SPAG16: variants seen among roughly 807,000 people sequenced by gnomAD.
The protein encoded by SPAG16 is sperm-associated antigen 16 protein.
A neutral mutation model predicts 80.4 loss-of-function variants in SPAG16; 86 were observed. The ratio of observed to expected loss-of-function variants is 1.07; its 90% CI spans 0.90 to 1.28. The LOEUF (loss-of-function observed/expected upper bound fraction) is 1.28, where lower values mean the gene tolerates loss of function less well. Ranked by LOEUF, SPAG16 falls within the 50% of genes most tolerant of loss-of-function variation. The pLI is 0.00. For missense variants in SPAG16, 870 were observed against 765.3 expected (o/e 1.14, Z -1.61); for synonymous variants, 294 against 265.9 (o/e 1.11, Z -1.03).
chr2:214,334,842 G>A (rs908365388), intron 15 of SPAG16, among the ~76,000 whole-genome samples: 3 of 152,150 alleles, frequency 2.0e-5, no homozygotes, highest in African/African-American at 7.2e-5. Context: ...CAGCCTACCA[G>A]CATTAATGGG....
intron 7 of SPAG16, among the ~76,000 whole-genome samples, chr2:213,356,066 G>A (rs1393449725): frequency 6.6e-6 from 1 of 152,156 alleles, no homozygotes; most frequent in African/African-American, 2.4e-5. Context: ...TTTATTGAGA[G>A]ATTTTAGCAT....
At chr2:214,167,598 T>C (rs767985082) in intron 15 of SPAG16, among the ~76,000 whole-genome samples, 10 of 152,304 alleles carry the variant, frequency 6.6e-5, no homozygotes, top group Non-Finnish European at 1.3e-4. Context: ...CCCTTCTATA[T>C]GCCCACAGGA....
chr2:213,757,821 C>A (rs556812317), intron 10 of SPAG16, among the ~76,000 whole-genome samples: 1 of 152,142 alleles, frequency 6.6e-6, no homozygotes, highest in East Asian at 1.9e-4. Context: ...AATCTTTGCT[C>A]TGATTGCTGA....
intron 13 of SPAG16, among the ~76,000 whole-genome samples, chr2:214,055,697 G>A (rs1161341636): frequency 1.3e-5 from 2 of 152,122 alleles, no homozygotes; most frequent in Non-Finnish European, 2.9e-5. Context: ...AGTGCCAACA[G>A]TAGCTGCCAG....
intron 13 of SPAG16, among the ~76,000 whole-genome samples, chr2:214,082,983 AC>A (rs1167797330): frequency 6.6e-6 from 1 of 152,070 alleles, no homozygotes; most frequent in Non-Finnish European, 1.5e-5. Flanking sequence ...TCTTCTCCTC[AC>A]CTTTCTCACT....
chr2:214,393,849 A>G (rs1230743120), intron 15 of SPAG16, among the ~76,000 whole-genome samples: 1 of 152,194 alleles, frequency 6.6e-6, no homozygotes, highest in Admixed American at 6.5e-5. Context: ...ATATTGTGCT[A>G]TTTTGAAGAG....
intron 9 of SPAG16, among the ~76,000 whole-genome samples, chr2:213,432,710 C>A (rs755820019): frequency 1.3e-5 from 2 of 152,056 alleles, no homozygotes; most frequent in Non-Finnish European, 2.9e-5. Context: ...GAAACTCTTT[C>A]AAAAAATTGA....
chr2:214,082,248 A>G (rs1290837579), intron 13 of SPAG16, among the ~76,000 whole-genome samples: 1 of 152,078 alleles, frequency 6.6e-6, no homozygotes, highest in East Asian at 1.9e-4. Flanking sequence ...TCTTAACAAT[A>G]TAACAATCTC....
chr2:214,374,868 C>T (rs1451809390), intron 15 of SPAG16, among the ~76,000 whole-genome samples: 1 of 152,162 alleles, frequency 6.6e-6, no homozygotes, highest in Non-Finnish European at 1.5e-5. Context: ...GGCACTGTGT[C>T]TTTTATTTAT....
At chr2:214,014,126 C>T (rs1181937178) in intron 13 of SPAG16, 49 bp downstream of exon 13, 27 of 1,600,878 alleles carry the variant, frequency 1.7e-5, no homozygotes, top group Non-Finnish European at 2.1e-5. Flanking sequence ...AGTCTGATTA[C>T]TCTCGGTCAT....
At chr2:214,146,726 C>T (rs185194013) in intron 14 of SPAG16, among the ~76,000 whole-genome samples, 215 of 152,174 alleles carry the variant, frequency 1.4e-3, no homozygotes, top group African/African-American at 4.8e-3. Flanking sequence ...TTTGGCTGGG[C>T]GCAGTGGCTC....
chr2:213,469,825 G>A (rs1175712580), intron 9 of SPAG16, among the ~76,000 whole-genome samples: 1 of 152,084 alleles, frequency 6.6e-6, no homozygotes, highest in African/African-American at 2.4e-5. Context: ...AGCCAACGCT[G>A]TAACTCCCTT....
chr2:213,950,464 A>T (rs1456461532), intron 12 of SPAG16, among the ~76,000 whole-genome samples: 1 of 151,096 alleles, frequency 6.6e-6, no homozygotes, highest in African/African-American at 2.4e-5. Context: ...TTCAGTTGAA[A>T]TAAGAACACA....
intron 15 of SPAG16, among the ~76,000 whole-genome samples, chr2:214,162,270 A>G (rs557067401): frequency 6.6e-6 from 1 of 152,166 alleles, no homozygotes; most frequent in Non-Finnish European, 1.5e-5. Context: ...ATGAAAAACC[A>G]AACTTGTGCA....
At chr2:213,837,557 G>A (rs766491085) in intron 10 of SPAG16, among the ~76,000 whole-genome samples, 4 of 152,060 alleles carry the variant, frequency 2.6e-5, no homozygotes, top group Admixed American at 6.5e-5. Flanking sequence ...CTAAGACATC[G>A]GGCTATTTTC....
intron 15 of SPAG16, among the ~76,000 whole-genome samples, chr2:214,396,105 C>G (rs1267606239): frequency 6.6e-6 from 1 of 152,148 alleles, no homozygotes; most frequent in African/African-American, 2.4e-5. Context: ...CGACTCATCA[C>G]ACTGCTTTCC....
intron 15 of SPAG16, among the ~76,000 whole-genome samples, chr2:214,298,074 CTATATA>C (rs34462560): frequency 1.5e-5 from 2 of 137,040 alleles, no homozygotes; most frequent in African/African-American, 5.4e-5. Flanking sequence ...AGATGTATGC[CTATATA>C]TATATATATA....
At chr2:214,340,424 A>G (rs1697591333) in intron 15 of SPAG16, among the ~76,000 whole-genome samples, 1 of 152,226 alleles carries the variant, frequency 6.6e-6, no homozygotes, top group South Asian at 2.1e-4. Flanking sequence ...GAAATTTTAA[A>G]TGAATCTGAA....
At chr2:214,082,888 G>C (rs989533183) in intron 13 of SPAG16, among the ~76,000 whole-genome samples, 5 of 152,008 alleles carry the variant, frequency 3.3e-5, no homozygotes, top group Non-Finnish European at 7.4e-5. Flanking sequence ...CCATCACTCA[G>C]ACTTGCCTTA....
Sources: allele counts gnomAD v4.1 joint callset (sites outside exome capture counted in the v4.1 genomes callset), GRCh38; gene constraint gnomAD v4.1.1; transcripts MANE v1.5; gene names NCBI Gene and HGNC (gene_info 2026-07-23, HGNC 2026-07-21).